The following FARS2 variants were observed in gnomAD, a reference collection of about 807,000 sequenced individuals.
FARS2 encodes the protein phenylalanine--tRNA ligase, mitochondrial.
FARS2 carries 40 observed loss-of-function variants against 46.4 expected under a neutral mutation model. The observed-to-expected ratio is 0.86, with a 90% CI of 0.67 to 1.12. FARS2 has a LOEUF of 1.12. Among genes scored for constraint, FARS2 ranks in the 50% most tolerant of loss-of-function variants. The probability of loss-of-function intolerance (pLI) is 0.00; values close to 1 mark genes in which losing one functional copy is unlikely to be tolerated. For missense variants in FARS2, 513 were observed against 567.9 expected, an observed-to-expected ratio of 0.90 and a Z score of 0.98; for synonymous variants, 234 against 214.9, an observed-to-expected ratio of 1.09 and a Z score of -0.78.
At chr6:5,349,877 A>T (rs952227024) in intron 1 of FARS2, among the ~76,000 whole-genome samples, 1 of 147,600 alleles carries the variant, frequency 6.8e-6, no homozygotes, top group Admixed American at 6.8e-5. Flanking sequence ...GACTGGAGTT[A>T]TATGTTTTTT....
At chr6:5,341,221 ATATATATATATATATTTT>A (rs1192985770) in intron 1 of FARS2, among the ~76,000 whole-genome samples, 17 of 4,986 alleles carry the variant, frequency 3.4e-3, no homozygotes, top group African/African-American at 0.014. Flanking sequence ...ATATATATAT[ATATATATATATATATTTT>A]TTTTTTTTTT....
chr6:5,617,630 T>C (rs940602275), intron 6 of FARS2, among the ~76,000 whole-genome samples: 1 of 152,250 alleles, frequency 6.6e-6, no homozygotes, highest in Non-Finnish European at 1.5e-5. Context: ...GAAGTTTCTT[T>C]AAAAGTTGAA....
At chr6:5,676,015 C>T (rs1341826307) in intron 6 of FARS2, among the ~76,000 whole-genome samples, 4 of 151,938 alleles carry the variant, frequency 2.6e-5, no homozygotes, top group Non-Finnish European at 5.9e-5. Flanking sequence ...ATGAAGGAAG[C>T]ACTTAAAGTA....
chr6:5,560,022 A>G (rs1042795122), intron 5 of FARS2, among the ~76,000 whole-genome samples: 2 of 152,100 alleles, frequency 1.3e-5, no homozygotes, highest in African/African-American at 2.4e-5. Flanking sequence ...GTGAAAAGCA[A>G]TTTATTAGCT....
In FARS2 at chr6:5,632,479, C is replaced by T. The variant is rs573859962; in HGVS notation, c.1217+19159C>T. Among the ~76,000 whole-genome samples, 9 of 152,192 alleles carry T rather than the reference C, an allele frequency of 5.9e-5. No homozygotes were observed. The East Asian group carries it at 7.7e-4, about 13-fold the overall frequency. On this transcript the variant is annotated intron_variant, in intron 6 of 6. Coordinates refer to ENST00000274680, the MANE Select transcript of FARS2 (RefSeq NM_006567.5). ...CAGTGATACTTAATGTAACGACCAC[C>T]GCTATCTAGTTACAAAATATTTCCA...
At chr6:5,413,726 G>T (rs72815696) in intron 3 of FARS2, among the ~76,000 whole-genome samples, 34,899 of 152,090 alleles carry the variant, frequency 0.23, 4,272 homozygotes, top group Middle Eastern at 0.28. Flanking sequence ...ATCTCTTTAT[G>T]CTTCCCCCTC....
chr6:5,369,777 A>G (rs1287310128), intron 2 of FARS2, among the ~76,000 whole-genome samples: 3 of 152,042 alleles, frequency 2.0e-5, no homozygotes, highest in South Asian at 2.1e-4. Flanking sequence ...AGGATGATGC[A>G]TGGAGCCTTT....
intron 5 of FARS2, among the ~76,000 whole-genome samples, chr6:5,589,855 TA>T (rs1177849713): frequency 1.3e-5 from 2 of 152,198 alleles, no homozygotes; most frequent in African/African-American, 4.8e-5. Flanking sequence ...CAGAGCACAT[TA>T]AAAAATTGAA....
intron 2 of FARS2, among the ~76,000 whole-genome samples, chr6:5,393,378 C>T (rs532630744): frequency 2.6e-5 from 4 of 151,866 alleles, no homozygotes; most frequent in East Asian, 1.9e-4. Flanking sequence ...GTGCTTTGGC[C>T]GGGCATGGTG....
intron 2 of FARS2, among the ~76,000 whole-genome samples, chr6:5,383,541 G>A (rs1386889976): frequency 2.0e-5 from 3 of 147,436 alleles, no homozygotes; most frequent in South Asian, 2.2e-4. Flanking sequence ...GAACTTCAGC[G>A]TCCATAACTA....
intron 4 of FARS2, among the ~76,000 whole-genome samples, chr6:5,541,845 T>G (rs1055962660): frequency 1.3e-5 from 2 of 152,208 alleles, no homozygotes; most frequent in Non-Finnish European, 2.9e-5. Flanking sequence ...CTCTTGATTA[T>G]ATGCTAAACA....
chr6:5,258,769 G>A (rs796128295), upstream of FARS2, among the ~76,000 whole-genome samples: 12 of 152,276 alleles, frequency 7.9e-5, no homozygotes, highest in African/African-American at 2.9e-4. Flanking sequence ...TATGCTTAAG[G>A]TATAATTTGA....
chr6:5,671,845 C>T (rs1778482608), intron 6 of FARS2, among the ~76,000 whole-genome samples: 1 of 152,174 alleles, frequency 6.6e-6, no homozygotes, highest in Non-Finnish European at 1.5e-5. Flanking sequence ...GCTTCTGAGC[C>T]ATCGCTTGTG....
upstream of FARS2, among the ~76,000 whole-genome samples, chr6:5,257,405 C>T (rs984040140): frequency 6.6e-6 from 1 of 152,216 alleles, no homozygotes; most frequent in Non-Finnish European, 1.5e-5. Context: ...CAGCACTTAA[C>T]CCAGTCTGTG....
chr6:5,316,905 A>T (rs1701967328), intron 1 of FARS2, among the ~76,000 whole-genome samples: 1 of 152,224 alleles, frequency 6.6e-6, no homozygotes, highest in Non-Finnish European at 1.5e-5. Flanking sequence ...GGAAATGCCC[A>T]GCTCTTGCCC....
chr6:5,477,796 A>G (rs879292602), intron 4 of FARS2, among the ~76,000 whole-genome samples: 1 of 152,146 alleles, frequency 6.6e-6, no homozygotes, highest in Non-Finnish European at 1.5e-5. Context: ...AGATGGGAGG[A>G]TGGCTTGAGA....
At chr6:5,298,119 G>C (rs1424406172) in intron 1 of FARS2, among the ~76,000 whole-genome samples, 1 of 152,248 alleles carries the variant, frequency 6.6e-6, no homozygotes, top group African/African-American at 2.4e-5. Context: ...CTTTTGTGAA[G>C]AGGATATGCA....
chr6:5,724,768 ATTC>A (rs1485256833), intron 6 of FARS2, among the ~76,000 whole-genome samples: 2 of 152,226 alleles, frequency 1.3e-5, no homozygotes, highest in South Asian at 2.1e-4. Flanking sequence ...TAATCAGGGA[ATTC>A]TTCTTTACAT....
intron 1 of FARS2, among the ~76,000 whole-genome samples, chr6:5,285,229 G>A (rs772627126): frequency 4.6e-5 from 7 of 152,190 alleles, no homozygotes; most frequent in Non-Finnish European, 7.3e-5. Flanking sequence ...AGCATCGGAT[G>A]CAGTGACGGA....
Sources: gnomAD v4.1 joint callset for allele counts (sites outside exome capture counted in the v4.1 genomes callset) on GRCh38, gnomAD v4.1.1 for gene constraint, MANE v1.5 for transcripts, NCBI Gene and HGNC (gene_info 2026-07-23, HGNC 2026-07-21) for gene names.